IYD: variants seen among roughly 807,000 people sequenced by gnomAD.
IYD encodes iodotyrosine deiodinase 1.
Under a neutral mutation model 28.4 loss-of-function variants are expected in IYD, and 25 were observed. The observed-to-expected ratio is 0.88, with a 90% confidence interval of 0.64 to 1.23. The LOEUF is 1.23. Among genes scored for constraint, IYD ranks in the 50% most tolerant of loss-of-function variants. The probability of loss-of-function intolerance (pLI) is 0.00; values close to 1 mark genes in which losing one functional copy is unlikely to be tolerated. For synonymous variants in IYD, 140 were observed against 130.8 expected (o/e 1.07, Z -0.48); for missense variants, 352 against 357.9 (o/e 0.98, Z 0.13).
intron 2 of IYD, 169 bp downstream of exon 2, chr6:150,389,712 T>C: frequency 1.6e-6 from 1 of 639,094 alleles, no homozygotes. Context: ...CAATGACTTC[T>C]ACTTTCCACA....
intron 1 of IYD, among the ~76,000 whole-genome samples, chr6:150,388,945 G>A (rs546860122): frequency 2.0e-5 from 3 of 152,088 alleles, no homozygotes; most frequent in East Asian, 1.9e-4. Flanking sequence ...CAAGTGATCC[G>A]CCTGCCTTGG....
intron 1 of IYD, among the ~76,000 whole-genome samples, chr6:150,388,631 C>CTTTCTTTCT (rs1482993839): frequency 6.7e-4 from 6 of 8,916 alleles, no homozygotes; most frequent in Non-Finnish European, 1.8e-3. Context: ...GGAGTTTTTG[C>CTTTCTTTCT]TTTCTTTCTT....
chr6:150,392,195 G>A (rs1751909207), intron 2 of IYD, 150 bp from the exon 3 acceptor site: 1 of 1,165,826 alleles, frequency 8.6e-7, no homozygotes, highest in Admixed American at 1.9e-5. Context: ...CACCCTGCTA[G>A]TTAAAAAAAA....
chr6:150,385,405 C>G (rs1216089624), intron 1 of IYD, among the ~76,000 whole-genome samples: 1 of 151,952 alleles, frequency 6.6e-6, no homozygotes, highest in Non-Finnish European at 1.5e-5. Context: ...TCCAAATTTA[C>G]TAAGAGATAA....
chr6:150,389,173 GTT>G (rs1054090662), intron 1 of IYD, among the ~76,000 whole-genome samples, 177 bp from the exon 2 acceptor site: 13 of 152,198 alleles, frequency 8.5e-5, no homozygotes, highest in African/African-American at 3.1e-4. Flanking sequence ...CCCAGCTGGA[GTT>G]TTAAGGATAG....
At chr6:150,397,569 C>A (rs950501812) in intron 4 of IYD, among the ~76,000 whole-genome samples, 673 of 111,502 alleles carry the variant, frequency 6.0e-3, no homozygotes, top group Non-Finnish European at 8.0e-3. Flanking sequence ...TACTTTGTCT[C>A]AAAAAAAAAA....
At chr6:150,397,060 GGTATA>G (rs58125059) in intron 4 of IYD, among the ~76,000 whole-genome samples, 24,535 of 151,858 alleles carry the variant, frequency 0.16, 3,983 homozygotes, top group African/African-American at 0.4. Flanking sequence ...CGTTAATCAA[GGTATA>G]GTATATGATG....
rs1301058197 is a variant in IYD at position 150,405,142 on chromosome 6, G to A, written c.*6905G>A. 2 of 152,190 alleles carry A rather than the reference G, an allele frequency of 1.3e-5. No individual in the cohort carries two copies. The highest frequency in any genetic ancestry group is 2.9e-5 in the Non-Finnish European group (2 of 68,062). 9.4% of individuals were successfully genotyped at this position (152,190 alleles called of 1,614,324 possible). A position where few individuals can be genotyped will look rare whatever the true frequency, so the allele number is the denominator to read the frequency against. ...TGTTCCAGGTGATTCTGCTGACCAG[G>A]TGAGTATGGTAAATGTGGCAAGTAT... On this transcript the variant is annotated 3_prime_UTR_variant, in exon 5 of 5. Coordinates refer to ENST00000344419, the MANE Select transcript of IYD (RefSeq NM_203395.3).
intron 1 of IYD, 79 bp from the exon 2 acceptor site, chr6:150,389,273 C>A: frequency 9.4e-7 from 1 of 1,063,264 alleles, no homozygotes; most frequent in Non-Finnish European, 1.5e-6. Context: ...CATTTAAGCA[C>A]TTTATCTTCT....
rs556926207 is a variant in IYD at position 150,402,071 on chromosome 6, C to T, written c.*3834C>T. On this transcript the variant is annotated 3_prime_UTR_variant, in exon 5 of 5. Coordinates refer to ENST00000344419, the MANE Select transcript of IYD (RefSeq NM_203395.3). ...GTTGCTGATGCTGGTGATTGGGTACCACATTTTGAGAACCATGGGGCATTG... is the reference window on the plus strand; with the variant it reads ...GTTGCTGATGCTGGTGATTGGGTACTACATTTTGAGAACCATGGGGCATTG... 1.6e-4 allele frequency: 24 copies of T among 152,248 alleles called. No individual in the cohort carries two copies. The highest frequency in any genetic ancestry group is 5.5e-4 in the African/African-American group (23 of 41,538). 9.4% of individuals were successfully genotyped at this position (152,248 alleles called of 1,614,324 possible).
rs1292153614 is a variant in IYD at position 150,394,222 on chromosome 6, C to T, written c.654C>T (p.Ser218=). ...ACTACTACAATGAGATCAGTGTTTC[C>T]ATCGCTTGTGGCATCCTGCTAGCTG... ...KVHYYNEISV[S]IACGILLAAL... The change falls in exon 4 of 5, where the codon TCC becomes TCT. Residue 218 remains serine (S), a synonymous_variant. Transcript: ENST00000344419. 1.9e-6 allele frequency: 3 copies of T among 1,614,032 alleles called. No individual in the cohort carries two copies. Among genetic ancestry groups the T allele is most frequent in the Non-Finnish European group, 1.7e-6 (2 of 1,180,032 alleles).
chr6:150,389,228 A>T, intron 1 of IYD, 124 bp from the exon 2 acceptor site: 16 of 699,104 alleles, frequency 2.3e-5, no homozygotes, highest in Middle Eastern at 3.9e-4. Context: ...TTCTTTTTTC[A>T]TTTTATAGTA....
intron 4 of IYD, chr6:150,395,891 T>C: frequency 1.8e-6 from 1 of 559,766 alleles, no homozygotes; most frequent in Non-Finnish European, 3.2e-6. Flanking sequence ...AAGAGGTCGA[T>C]GGGGTACCCC....
intron 1 of IYD, among the ~76,000 whole-genome samples, chr6:150,379,441 A>T (rs1396412346): frequency 6.6e-6 from 1 of 152,248 alleles, no homozygotes; most frequent in Non-Finnish European, 1.5e-5. Flanking sequence ...TTCACATTAC[A>T]TGCCATCCCC....
intron 1 of IYD, among the ~76,000 whole-genome samples, chr6:150,376,497 G>C (rs1210572809): frequency 6.6e-6 from 1 of 152,132 alleles, no homozygotes. Flanking sequence ...AGAGGCAGTG[G>C]GAAGGCGAGG....
At position 150,403,912 on chromosome 6, in the gene IYD, C is replaced by A. The variant is rs926028267; in HGVS notation, c.*5675C>A. On this transcript the variant is annotated 3_prime_UTR_variant, in exon 5 of 5. Coordinates refer to ENST00000344419, the MANE Select transcript of IYD (RefSeq NM_203395.3). Reference sequence around the variant, plus strand: ...GATCATAAAGGAAGTTGTTAGCTAACCTAGGTGGAGTCGCCAACTTCCTTC... The same window carrying A: ...GATCATAAAGGAAGTTGTTAGCTAAACTAGGTGGAGTCGCCAACTTCCTTC... 1 of 152,074 alleles carries A rather than the reference C, an allele frequency of 6.6e-6. No homozygotes were observed. The highest frequency in any genetic ancestry group is 6.6e-5 in the Admixed American group (1 of 15,262). The allele number at this position is 152,074 out of a possible 1,614,324, so 9.4% of individuals were successfully genotyped here. A position where few individuals can be genotyped will look rare whatever the true frequency, so the allele number is the denominator to read the frequency against.
chr6:150,383,827 A>G (rs1288980631), intron 1 of IYD, among the ~76,000 whole-genome samples: 2 of 151,310 alleles, frequency 1.3e-5, no homozygotes, highest in Non-Finnish European at 2.9e-5. Flanking sequence ...AAAACAAAAA[A>G]AATTAATGTT....
chr6:150,371,842 T>G lies in IYD; in HGVS notation c.178+2633T>G, dbSNP rs151216332. Among the ~76,000 whole-genome samples the G allele has an allele frequency of 1.2e-3, 179 of 152,300 alleles. 1 individual carries two copies. Among genetic ancestry groups the G allele is most frequent in the Middle Eastern group, 6.8e-3 (2 of 294 alleles). On this transcript the variant is annotated intron_variant, in intron 1 of 4. Coordinates refer to ENST00000344419, the MANE Select transcript of IYD (RefSeq NM_203395.3). ...GATGAAATGATTTACTCCACATCTC[T>G]TATGTTGTTTACATAAGTGGTGCAT...
Position 150,404,297 on chromosome 6 carries a change from A to C in IYD, c.*6060A>C, listed in dbSNP as rs1245169232. On this transcript the variant is annotated 3_prime_UTR_variant, in exon 5 of 5. Coordinates refer to ENST00000344419, the MANE Select transcript of IYD (RefSeq NM_203395.3). ...ATACTTTCATGTTAAGTTTAGGACT[A>C]ATCTTGTGTATGCTCCTTAAGTGAT... 6.6e-6 allele frequency: 1 copy of C among 152,236 alleles called. No homozygotes were observed. The highest frequency in any genetic ancestry group is 1.5e-5 in the Non-Finnish European group (1 of 68,044). 9.4% of individuals were successfully genotyped at this position (152,236 alleles called of 1,614,324 possible). A position where few individuals can be genotyped will look rare whatever the true frequency, so the allele number is the denominator to read the frequency against.
Sources: gnomAD v4.1 joint callset for allele counts (sites outside exome capture counted in the v4.1 genomes callset) on GRCh38, gnomAD v4.1.1 for gene constraint, MANE v1.5 for transcripts, NCBI Gene and HGNC (gene_info 2026-07-23, HGNC 2026-07-21) for gene names.